Variants in GNAS observed in about 807,000 individuals in gnomAD.
GNAS encodes GNAS complex locus, also known as protein ALEX.
A neutral mutation model predicts 54.5 loss-of-function variants in GNAS; 8 were observed. The ratio of observed to expected loss-of-function variants is 0.15; its 90% CI spans 0.09 to 0.26. GNAS has a LOEUF of 0.26. Ranked by LOEUF, GNAS falls within the 10% of genes least tolerant of loss-of-function variation. GNAS has a pLI of 1.00. For missense variants in GNAS, 170 were observed against 529.8 expected, an observed-to-expected ratio of 0.32 and a Z score of 6.67; for synonymous variants, 204 against 191.4, an observed-to-expected ratio of 1.07 and a Z score of -0.54.
intron 1 of GNAS, among the ~76,000 whole-genome samples, chr20:58,877,650 C>T (rs1260860150): frequency 6.6e-6 from 1 of 152,210 alleles, no homozygotes; most frequent in African/African-American, 2.4e-5. Context: ...TGGGCAGAAG[C>T]CAGCCGTGTT....
chr20:58,890,513 C>G (rs576666012), upstream of GNAS: 3 of 152,424 alleles, frequency 2.0e-5, no homozygotes, highest in Non-Finnish European at 4.4e-5. Flanking sequence ...TGCGCAGCCC[C>G]TCGTGGGTGC....
At chr20:58,882,103 T>C (rs1334199461) in intron 1 of GNAS, among the ~76,000 whole-genome samples, 1 of 152,202 alleles carries the variant, frequency 6.6e-6, no homozygotes, top group African/African-American at 2.4e-5. Flanking sequence ...GAGTCTGGGT[T>C]TGTCGCCCAG....
At chr20:58,848,616 T>A (rs2086033029) in intron 1 of GNAS, among the ~76,000 whole-genome samples, 1 of 152,158 alleles carries the variant, frequency 6.6e-6, no homozygotes, top group Non-Finnish European at 1.5e-5. Flanking sequence ...GCCATCTCCC[T>A]CCAGATCAAG....
At chr20:58,846,311 T>C (rs1372106136) in intron 1 of GNAS, among the ~76,000 whole-genome samples, 1 of 152,068 alleles carries the variant, frequency 6.6e-6, no homozygotes, top group Non-Finnish European at 1.5e-5. Flanking sequence ...TAGAACCAGG[T>C]GCATCAAGGG....
rs891253480 is a variant in GNAS at position 58,842,328 on chromosome 20, G to A, written c.43+1442G>A. 2.8e-5 allele frequency: 11 copies of A among 397,650 alleles called. No homozygotes were observed. The Middle Eastern group carries it at 1.9e-3, about 67-fold the overall frequency. The allele number at this position is 397,650 out of a possible 1,614,324, so 24.6% of individuals were successfully genotyped here. ...TCATTTTGCGCCGGCTTAATTATAC[G>A]GATGACAACGATTTGGAGGAATAGT... On this transcript the variant is annotated intron_variant, in intron 1 of 12. Transcript: ENST00000306090.
intron 1 of GNAS, among the ~76,000 whole-genome samples, chr20:58,866,997 G>T (rs2087109489): frequency 6.6e-6 from 1 of 152,182 alleles, no homozygotes; most frequent in African/African-American, 2.4e-5. Context: ...AAAATTTAAA[G>T]TATCATTTGA....
rs1427444543 is a variant in GNAS, at chr20:58,910,331, T to C, written c.971-3T>C. The C allele has an allele frequency of 6.2e-7, 1 of 1,602,274 alleles. No homozygotes were observed. Among genetic ancestry groups the C allele is most frequent in the South Asian group, 1.1e-5 (1 of 90,828 alleles). ...CATTAATATGTATTCCCTTTTTATA[T>C]AGCTACTCCCGAGCCCGGAGAGGAC... On this transcript the variant is annotated splice_region_variant and splice_polypyrimidine_tract_variant and intron_variant, in intron 11 of 12. Transcript: ENST00000371085. This position sits in a 1 kb window ranked among gnomAD's most constrained non-coding sequence, Gnocchi z 5.8.
At chr20:58,893,100 AGGTG>A (rs1263392399) in intron 1 of GNAS, among the ~76,000 whole-genome samples, 2 of 131,694 alleles carry the variant, frequency 1.5e-5, no homozygotes, top group Non-Finnish European at 3.1e-5. Context: ...GTCCTCCTCA[AGGTG>A]GGAGGGGGGA....
intron 1 of GNAS, among the ~76,000 whole-genome samples, chr20:58,865,439 T>C (rs552093665): frequency 1.4e-5 from 2 of 147,582 alleles, no homozygotes; most frequent in Non-Finnish European, 3.0e-5. Flanking sequence ...TATATACACA[T>C]ATATTTTATA....
chr20:58,847,995 TA>T (rs1354566760), intron 1 of GNAS, among the ~76,000 whole-genome samples: 1 of 152,212 alleles, frequency 6.6e-6, no homozygotes, highest in Non-Finnish European at 1.5e-5. Context: ...AACGGGGCTG[TA>T]ATGGTGCTGT....
chr20:58,850,849 G>A (rs1600692552), intron 1 of GNAS: 1 of 398,674 alleles, frequency 2.5e-6, no homozygotes, highest in East Asian at 3.6e-5. Flanking sequence ...GCCCCCCACC[G>A]GCTTCCAACC....
chr20:58,909,338 A>C lies in GNAS; in HGVS notation c.586-12A>C, dbSNP rs367909148. 6.2e-7 allele frequency: 1 copy of C among 1,611,736 alleles called. No homozygotes were observed. Among genetic ancestry groups the C allele is most frequent in the Non-Finnish European group, 8.5e-7 (1 of 1,177,826 alleles). The stretch of plus-strand genomic sequence containing the variant: ...GCTTTGGTGAGATCCATTGACCTCA[A>C]TTTTGTTTCAGGACCTGCTTCGCTG... On this transcript the variant is annotated splice_polypyrimidine_tract_variant and intron_variant, in intron 7 of 12. Transcript: ENST00000371085. The surrounding 1 kb of genome is among the most constrained non-coding windows in gnomAD (Gnocchi z 7.3).
At position 58,909,440 on chromosome 20, in the gene GNAS, C is replaced by T. The variant is rs2146273616; in HGVS notation, c.659+17C>T. 1 of 1,609,938 alleles carries T rather than the reference C, an allele frequency of 6.2e-7. No homozygotes were observed. Among genetic ancestry groups the T allele is most frequent in the Non-Finnish European group, 8.5e-7 (1 of 1,176,276 alleles). On this transcript the variant is annotated intron_variant, in intron 8 of 12. Coordinates refer to ENST00000371085, the MANE Select transcript of GNAS (RefSeq NM_000516.7). The surrounding 1 kb of genome is among the most constrained non-coding windows in gnomAD (Gnocchi z 7.3). ...CAACTTCCAGTAAGCCAACTGTTACCTTTTTATATAACAGAGATCATGGTT... is the reference window on the plus strand; with the variant it reads ...CAACTTCCAGTAAGCCAACTGTTACTTTTTTATATAACAGAGATCATGGTT...
intron 1 of GNAS, chr20:58,855,767 C>T (rs2086467429): frequency 4.9e-6 from 3 of 617,214 alleles, no homozygotes; most frequent in African/African-American, 3.7e-5. Context: ...GGCACGGCTG[C>T]TTGGACTCAG....
chr20:58,894,956 C>T lies in GNAS; in HGVS notation c.140-656C>T, dbSNP rs528185116. ...ATAGTTGTACCCAGAGGGAATTTATCTTTAGAAAGATATAGTTTGTGAGGA... is the reference window on the plus strand; with the variant it reads ...ATAGTTGTACCCAGAGGGAATTTATTTTTAGAAAGATATAGTTTGTGAGGA... On this transcript the variant is annotated intron_variant, in intron 1 of 12. Transcript: ENST00000371085. Among the ~76,000 whole-genome samples, 22 of 152,252 alleles carry T rather than the reference C, an allele frequency of 1.4e-4. No homozygotes were observed. In the South Asian group the frequency reaches 1.9e-3, roughly 13 times the overall value.
chr20:58,840,917 TGA>T lies in GNAS; in HGVS notation c.43+33_43+34del. 1 of 1,609,050 alleles carries T rather than the reference TGA, an allele frequency of 6.2e-7. No individual in the cohort carries two copies. Among genetic ancestry groups the T allele is most frequent in the Non-Finnish European group, 8.5e-7 (1 of 1,177,946 alleles). On this transcript the variant is annotated intron_variant, in intron 1 of 12. Transcript: ENST00000306090. The surrounding 1 kb of genome is among the most constrained non-coding windows in gnomAD (Gnocchi z 6.0). ...TTGCCCACCGCTAAACTGGGGAGCC[TGA>T]GGGCGGTGTGGGAGCAGCGCAGGTG...
intron 2 of GNAS, among the ~76,000 whole-genome samples, chr20:58,896,068 G>A (rs2090021844): frequency 6.6e-6 from 1 of 152,070 alleles, no homozygotes; most frequent in Non-Finnish European, 1.5e-5. Flanking sequence ...CCCCTCGTCC[G>A]GCCCACGCTG....
upstream of GNAS, chr20:58,889,372 G>A (rs1199466209): frequency 1.0e-6 from 1 of 983,942 alleles, no homozygotes; most frequent in Non-Finnish European, 1.2e-6. Flanking sequence ...GGGAGCGCCG[G>A]GGCCTCCCGC....
chr20:58,850,479 T>C, intron 1 of GNAS: 1 of 398,240 alleles, frequency 2.5e-6, no homozygotes, highest in Non-Finnish European at 4.4e-6. Context: ...ACAACCCCTT[T>C]GGAGCACCCA....
Sources: gnomAD v4.1 joint callset for allele counts (sites outside exome capture counted in the v4.1 genomes callset) on GRCh38, gnomAD v4.1.1 for gene constraint, Gnocchi (gnomAD v3.1) non-coding constraint, MANE v1.5 for transcripts, NCBI Gene and HGNC (gene_info 2026-07-23, HGNC 2026-07-21) for gene names.